CACNA1C: variants seen among roughly 807,000 people sequenced by gnomAD.
CACNA1C encodes calcium voltage-gated channel subunit alpha1 C, also known as voltage-dependent L-type calcium channel subunit alpha-1C.
A neutral mutation model predicts 229.0 loss-of-function variants in CACNA1C; 30 were observed. The ratio of observed to expected loss-of-function variants is 0.13; its 90% CI spans 0.10 to 0.18. The LOEUF (loss-of-function observed/expected upper bound fraction) is 0.18, where lower values mean the gene tolerates loss of function less well. Among genes scored for constraint, CACNA1C ranks in the 10% least tolerant of loss-of-function variants. The probability of loss-of-function intolerance (pLI) is 1.00; values close to 1 mark genes in which losing one functional copy is unlikely to be tolerated. For missense variants in CACNA1C, 1,658 were observed against 2,845.0 expected, an observed-to-expected ratio of 0.58 and a Z score of 9.49; for synonymous variants, 1,114 against 1,132.5, an observed-to-expected ratio of 0.98 and a Z score of 0.33.
At chr12:2,038,941 A>G (rs2049618515) in intron 1 of CACNA1C, among the ~76,000 whole-genome samples, 1 of 152,162 alleles carries the variant, frequency 6.6e-6, no homozygotes, top group African/African-American at 2.4e-5. Context: ...TAAAAGACAG[A>G]TGCTGGGAAG....
chr12:2,224,880 G>T (rs1357896203), intron 3 of CACNA1C, among the ~76,000 whole-genome samples: 1 of 152,080 alleles, frequency 6.6e-6, no homozygotes, highest in Non-Finnish European at 1.5e-5. Flanking sequence ...TGAAAGAGAC[G>T]GTTATGTACC....
intron 1 of CACNA1C, among the ~76,000 whole-genome samples, chr12:2,037,710 C>G (rs1006414619): frequency 6.6e-6 from 1 of 152,320 alleles, no homozygotes; most frequent in African/African-American, 2.4e-5. Context: ...GCACGAAGTT[C>G]TGAAGATACT....
intron 1 of CACNA1C, among the ~76,000 whole-genome samples, chr12:1,982,964 A>G (rs2036578439): frequency 6.6e-6 from 1 of 152,104 alleles, no homozygotes; most frequent in African/African-American, 2.4e-5. Flanking sequence ...TTATGGGACT[A>G]TTCAGCTTAC....
intron 3 of CACNA1C, among the ~76,000 whole-genome samples, chr12:2,412,974 A>G (rs1282302459): frequency 6.6e-6 from 1 of 152,254 alleles, no homozygotes; most frequent in Non-Finnish European, 1.5e-5. Flanking sequence ...ATTGGCTGCT[A>G]GAAAGATACT....
At chr12:2,043,736 A>G (rs2050579070) in intron 1 of CACNA1C, among the ~76,000 whole-genome samples, 1 of 140,904 alleles carries the variant, frequency 7.1e-6, no homozygotes, top group South Asian at 2.3e-4. Context: ...GCTCACTGCA[A>G]GCTCCGCTTC....
At chr12:1,973,284 G>A (rs2033128184) in intron 1 of CACNA1C, among the ~76,000 whole-genome samples, 1 of 152,158 alleles carries the variant, frequency 6.6e-6, no homozygotes, top group South Asian at 2.1e-4. Flanking sequence ...GTTCAAAGCA[G>A]ATGAGAAGCA....
chr12:2,314,432 A>G (rs2095586151), intron 3 of CACNA1C, among the ~76,000 whole-genome samples: 1 of 152,258 alleles, frequency 6.6e-6, no homozygotes, highest in South Asian at 2.1e-4. Flanking sequence ...CACCTCGTGC[A>G]CACGGCTGTG....
chr12:2,230,259 G>A (rs958086978), intron 3 of CACNA1C, among the ~76,000 whole-genome samples: 2 of 152,210 alleles, frequency 1.3e-5, no homozygotes, highest in African/African-American at 2.4e-5. Context: ...GTCGGGAAGG[G>A]CGCCATGGGT....
chr12:2,043,839 TAG>T (rs2050608725), intron 1 of CACNA1C, among the ~76,000 whole-genome samples: 3 of 143,772 alleles, frequency 2.1e-5, no homozygotes, highest in Admixed American at 2.0e-4. Context: ...GTATTTTTAG[TAG>T]AGACGGGGTT....
At chr12:2,200,145 C>T (rs1015416862) in intron 3 of CACNA1C, among the ~76,000 whole-genome samples, 2 of 152,130 alleles carry the variant, frequency 1.3e-5, no homozygotes, top group African/African-American at 2.4e-5. Flanking sequence ...GATGGACCCT[C>T]GATTCTGTTA....
intron 5 of CACNA1C, among the ~76,000 whole-genome samples, chr12:2,471,769 G>A (rs2099594406): frequency 6.6e-6 from 1 of 151,954 alleles, no homozygotes; most frequent in African/African-American, 2.4e-5. Flanking sequence ...TGTAACCTCC[G>A]CCTCCTGGGT....
At chr12:2,094,888 G>T (rs1456720727) in intron 1 of CACNA1C, among the ~76,000 whole-genome samples, 1 of 152,126 alleles carries the variant, frequency 6.6e-6, no homozygotes, top group Admixed American at 6.5e-5. Context: ...ATTGCTGCAG[G>T]CCCCAGGGGC....
At chr12:2,267,636 C>G (rs971063890) in intron 3 of CACNA1C, among the ~76,000 whole-genome samples, 3 of 152,206 alleles carry the variant, frequency 2.0e-5, no homozygotes, top group African/African-American at 7.2e-5. Context: ...AGAGAGAGTT[C>G]AGGTAAAAGA....
At chr12:2,189,669 G>T (rs1006896663) in intron 3 of CACNA1C, among the ~76,000 whole-genome samples, 3 of 152,142 alleles carry the variant, frequency 2.0e-5, no homozygotes, top group African/African-American at 7.2e-5. Flanking sequence ...GGAAACCAAG[G>T]AACATTTGGC....
intron 3 of CACNA1C, among the ~76,000 whole-genome samples, chr12:2,367,687 ATTAAT>A (rs1411206071): frequency 4.6e-5 from 7 of 152,220 alleles, no homozygotes; most frequent in Non-Finnish European, 8.8e-5. Context: ...ACAAAATTTA[ATTAAT>A]TTACCTCTGG....
chr12:2,550,699 C>T lies in CACNA1C; in HGVS notation c.1481+666C>T, dbSNP rs377111808. On this transcript the variant is annotated intron_variant, in intron 10 of 46. Coordinates refer to ENST00000399655, the MANE Select transcript of CACNA1C (RefSeq NM_000719.7). ...TTTCTGAATTGCTCCACCTGGGGGG[C>T]GGGGCAGGGCGGCATCTCCCTTCCC... is the stretch of plus-strand genomic sequence containing the variant. 170 of 1,301,416 alleles carry T rather than the reference C, an allele frequency of 1.3e-4. No individual in the cohort carries two copies. In the African/African-American group the frequency reaches 1.9e-3, roughly 15 times the overall value. 80.6% of individuals were successfully genotyped at this position (1,301,416 alleles called of 1,614,324 possible). A position where few individuals can be genotyped will look rare whatever the true frequency, so the allele number is the denominator to read the frequency against.
intron 3 of CACNA1C, among the ~76,000 whole-genome samples, chr12:2,159,524 G>A (rs1322184254): frequency 6.6e-6 from 1 of 151,522 alleles, no homozygotes; most frequent in Non-Finnish European, 1.5e-5. Context: ...TTAAATGTAT[G>A]CATAAGAGAT....
At chr12:2,560,725 A>G (rs1332656899) in intron 11 of CACNA1C, among the ~76,000 whole-genome samples, 1 of 152,086 alleles carries the variant, frequency 6.6e-6, no homozygotes, top group Non-Finnish European at 1.5e-5. Flanking sequence ...CACTTCTGCC[A>G]TACCATCAGC....
At position 2,527,983 on chromosome 12, in the gene CACNA1C, A is replaced by G. The variant is rs916832247; in HGVS notation, c.1390+14999A>G. On this transcript the variant is annotated intron_variant, in intron 9 of 46. Coordinates refer to ENST00000399655, the MANE Select transcript of CACNA1C (RefSeq NM_000719.7). ...TCTTAGATGGTATACAATCATGTCC[A>G]TGAATTATAATTTCCATAATCCCTT... 2.0e-5 allele frequency among the ~76,000 whole-genome samples: 3 copies of G among 152,354 alleles called. No individual in the cohort carries two copies. In the East Asian group the frequency reaches 5.8e-4, roughly 29 times the overall value.
Sources: gnomAD v4.1 joint callset for allele counts (sites outside exome capture counted in the v4.1 genomes callset) on GRCh38, gnomAD v4.1.1 for gene constraint, MANE v1.5 for transcripts, NCBI Gene and HGNC (gene_info 2026-07-23, HGNC 2026-07-21) for gene names.